NR6A1: variants seen among roughly 807,000 people sequenced by gnomAD.
The protein encoded by NR6A1 is nuclear receptor subfamily 6 group A member 1.
NR6A1 carries 7 observed loss-of-function variants against 59.1 expected under a neutral mutation model. The ratio of observed to expected loss-of-function variants is 0.12; its 90% CI spans 0.07 to 0.22. The LOEUF (loss-of-function observed/expected upper bound fraction) is 0.22, where lower values mean the gene tolerates loss of function less well. Among genes scored for constraint, NR6A1 ranks in the 10% least tolerant of loss-of-function variants. The pLI, the probability that NR6A1 is intolerant of heterozygous loss-of-function variation, is 1.00. For missense variants in NR6A1, 468 were observed against 611.6 expected (o/e 0.77, Z 2.48); for synonymous variants, 243 against 236.1 (o/e 1.03, Z -0.27).
At chr9:124,681,165 G>A (rs940998437) in intron 2 of NR6A1, among the ~76,000 whole-genome samples, 17 of 152,074 alleles carry the variant, frequency 1.1e-4, no homozygotes, top group Non-Finnish European at 2.1e-4. Context: ...TTATTGTTAC[G>A]TTGTAAGCTG....
intron 2 of NR6A1, among the ~76,000 whole-genome samples, chr9:124,671,007 A>C (rs1435276818): frequency 6.6e-6 from 1 of 152,206 alleles, no homozygotes; most frequent in Non-Finnish European, 1.5e-5. Flanking sequence ...TGCTAAATGA[A>C]ATCACAAAAC....
chr9:124,577,127 G>A (rs1339622439), intron 2 of NR6A1, among the ~76,000 whole-genome samples: 6 of 152,284 alleles, frequency 3.9e-5, no homozygotes, highest in Admixed American at 2.6e-4. Context: ...GCCAGGGGCC[G>A]TAGTTCTTTC....
At chr9:124,707,356 T>C (rs1839163868) in intron 2 of NR6A1, among the ~76,000 whole-genome samples, 1 of 152,194 alleles carries the variant, frequency 6.6e-6, no homozygotes, top group South Asian at 2.1e-4. Context: ...ATAATTTCTC[T>C]ATTGAAATTC....
At chr9:124,545,756 T>C (rs897812088) in intron 3 of NR6A1, among the ~76,000 whole-genome samples, 1 of 152,234 alleles carries the variant, frequency 6.6e-6, no homozygotes, top group Admixed American at 6.5e-5. Context: ...CAACATACTT[T>C]ACTTTTCATT....
At chr9:124,728,352 G>C (rs904505135) in intron 2 of NR6A1, among the ~76,000 whole-genome samples, 5 of 151,666 alleles carry the variant, frequency 3.3e-5, no homozygotes, top group Non-Finnish European at 7.4e-5. Context: ...TAAAGTACTT[G>C]CGGCCAGGCA....
chr9:124,522,468 T>TC lies in NR6A1; in HGVS notation c.*236dup, dbSNP rs562476240. On this transcript the variant is annotated 3_prime_UTR_variant, in exon 10 of 10. Coordinates refer to ENST00000487099, the MANE Select transcript of NR6A1 (RefSeq NM_033334.4). ...CTGTAAGAAAATGCATTGGCTGCATTCACACAAAAGCATGTGCATCATGTT... is the reference window on the plus strand; with the variant it reads ...CTGTAAGAAAATGCATTGGCTGCATTCCACACAAAAGCATGTGCATCATGTT... The TC allele has an allele frequency of 1.3e-3, 450 of 348,050 alleles. 2 individuals are homozygous for TC. The highest frequency in any genetic ancestry group is 8.8e-3 in the Middle Eastern group (10 of 1,134). The allele number at this position is 348,050 out of a possible 1,614,324, so 21.6% of individuals were successfully genotyped here.
intron 2 of NR6A1, among the ~76,000 whole-genome samples, chr9:124,657,335 CT>C (rs1309601589): frequency 2.6e-5 from 4 of 152,110 alleles, no homozygotes; most frequent in Non-Finnish European, 4.4e-5. Context: ...ATTTCAACAA[CT>C]GTGAGAAAGG....
chr9:124,720,535 T>C (rs1839533268), intron 2 of NR6A1, among the ~76,000 whole-genome samples: 2 of 152,212 alleles, frequency 1.3e-5, no homozygotes, highest in Admixed American at 6.5e-5. Flanking sequence ...TTTCTTATGC[T>C]TACCAACAAA....
intron 2 of NR6A1, among the ~76,000 whole-genome samples, chr9:124,592,834 G>A (rs1231728355): frequency 6.6e-6 from 1 of 152,156 alleles, no homozygotes; most frequent in Non-Finnish European, 1.5e-5. Context: ...GTTGTCACCA[G>A]TACTTTGGAA....
chr9:124,633,633 A>G (rs574818399), intron 2 of NR6A1, among the ~76,000 whole-genome samples: 3 of 152,310 alleles, frequency 2.0e-5, no homozygotes, highest in East Asian at 3.9e-4. Context: ...TAGGTCCTCA[A>G]TGACATCCAA....
intron 2 of NR6A1, among the ~76,000 whole-genome samples, chr9:124,672,076 C>T (rs144291347): frequency 7.3e-4 from 111 of 152,314 alleles, no homozygotes; most frequent in African/African-American, 2.6e-3. Flanking sequence ...TTGTGCCTGA[C>T]TTCGTTTCCT....
chr9:124,544,486 T>C (rs1588654059), intron 3 of NR6A1, among the ~76,000 whole-genome samples: 1 of 152,170 alleles, frequency 6.6e-6, no homozygotes, highest in East Asian at 1.9e-4. Flanking sequence ...ACGGGGGGCA[T>C]AGAGAAGAAC....
chr9:124,538,665 T>C (rs545317099), intron 5 of NR6A1, among the ~76,000 whole-genome samples: 9 of 152,290 alleles, frequency 5.9e-5, no homozygotes, highest in African/African-American at 2.2e-4. Flanking sequence ...TAGGTATTTA[T>C]ATTATAATAC....
Position 124,771,108 on chromosome 9 carries a change from G to C in NR6A1, c.12C>G (p.Asp4Glu). 1 of 1,229,544 alleles carries C rather than the reference G, an allele frequency of 8.1e-7. No individual in the cohort carries two copies. The highest frequency in any genetic ancestry group is 1.0e-6 in the Non-Finnish European group (1 of 986,052). 76.2% of individuals were successfully genotyped at this position (1,229,544 alleles called of 1,614,324 possible). A position where few individuals can be genotyped will look rare whatever the true frequency, so the allele number is the denominator to read the frequency against. Residue 4 changes from aspartate to glutamate, a missense_variant, in exon 1 of 10, where the codon GAC (aspartate) becomes GAG (glutamate). Asp to Glu is a conservative substitution (Grantham distance 45). This residue lies in a region of NR6A1 where 75 missense variants were observed against 65.6 expected (regional missense o/e 1.14). Coordinates refer to ENST00000487099, the MANE Select transcript of NR6A1 (RefSeq NM_033334.4). MER[D>E]EPPPSGGGGG... ...CTCCCCCTCCGCTAGGCGGCGGTTCGTCCCGCTCCATGCGGTGGTGCCTAG... is the reference window on the plus strand; with the variant it reads ...CTCCCCCTCCGCTAGGCGGCGGTTCCTCCCGCTCCATGCGGTGGTGCCTAG...
chr9:124,575,559 T>G (rs1388739780), intron 2 of NR6A1, among the ~76,000 whole-genome samples: 1 of 152,122 alleles, frequency 6.6e-6, no homozygotes, highest in Non-Finnish European at 1.5e-5. Flanking sequence ...GGGTGACAGA[T>G]CGAGACTCTG....
chr9:124,719,788 T>C (rs1588826598), intron 2 of NR6A1, among the ~76,000 whole-genome samples: 2 of 151,856 alleles, frequency 1.3e-5, no homozygotes, highest in Non-Finnish European at 2.9e-5. Context: ...ACCGCGGTAA[T>C]GCGCGCCTAT....
intron 2 of NR6A1, among the ~76,000 whole-genome samples, chr9:124,695,881 A>G (rs1044762103): frequency 6.6e-5 from 10 of 152,248 alleles, no homozygotes; most frequent in Non-Finnish European, 1.5e-4. Context: ...ACAGACTATT[A>G]CATAGTCTTT....
At chr9:124,622,232 A>G (rs986504633) in intron 2 of NR6A1, among the ~76,000 whole-genome samples, 1 of 152,138 alleles carries the variant, frequency 6.6e-6, no homozygotes, top group Admixed American at 6.5e-5. Flanking sequence ...GGCATGACCA[A>G]CCAGTATTTT....
chr9:124,590,699 A>G (rs1835092748), intron 2 of NR6A1, among the ~76,000 whole-genome samples: 1 of 152,232 alleles, frequency 6.6e-6, no homozygotes, highest in Non-Finnish European at 1.5e-5. Context: ...TGACAACTCC[A>G]AAGTTAGTAA....
Sources: allele counts gnomAD v4.1 joint callset (sites outside exome capture counted in the v4.1 genomes callset), GRCh38; gene constraint gnomAD v4.1.1; regional missense constraint gnomAD v4.1.1; transcripts MANE v1.5; gene names NCBI Gene and HGNC (gene_info 2026-07-23, HGNC 2026-07-21).